The following SLC39A11 variants were observed in gnomAD, a reference collection of about 807,000 sequenced individuals.
SLC39A11 encodes solute carrier family 39 member 11, also known as zinc transporter ZIP11.
Under a neutral mutation model 36.1 loss-of-function variants are expected in SLC39A11, and 33 were observed. The ratio of observed to expected loss-of-function variants is 0.91; its 90% CI spans 0.69 to 1.22. SLC39A11 has a LOEUF of 1.22. Ranked by LOEUF, SLC39A11 falls within the 50% of genes most tolerant of loss-of-function variation. SLC39A11 has a pLI of 0.00. For synonymous variants in SLC39A11, 166 were observed against 170.3 expected (o/e 0.97, Z 0.20); for missense variants, 432 against 430.3 (o/e 1.00, Z -0.03).
rs1177062765 is a variant in SLC39A11 at position 72,746,808 on chromosome 17, A to G, written c.602-10089T>C. ...GCACCTGTAGTCCCAGCTACTAGGG[A>G]GGATGAGATGGGAGGATCACTTGAA... On this transcript the variant is annotated intron_variant, in intron 6 of 9. Transcript: ENST00000255559. Among the ~76,000 whole-genome samples, 3 of 151,936 alleles carry G rather than the reference A, an allele frequency of 2.0e-5. No homozygotes were observed. The East Asian group carries it at 5.8e-4, about 30-fold the overall frequency.
chr17:73,017,568 C>T (rs968031065), intron 4 of SLC39A11, among the ~76,000 whole-genome samples: 2 of 152,076 alleles, frequency 1.3e-5, no homozygotes, highest in Middle Eastern at 3.2e-3. Flanking sequence ...ACAAATTTAG[C>T]TGGGCGTGGT....
chr17:72,919,399 C>T (rs910372049), intron 5 of SLC39A11, among the ~76,000 whole-genome samples: 1 of 152,114 alleles, frequency 6.6e-6, no homozygotes, highest in East Asian at 1.9e-4. Context: ...AGGGAGAGAA[C>T]TTGGACCACA....
chr17:72,836,572 T>C (rs1209045984), intron 6 of SLC39A11, among the ~76,000 whole-genome samples: 1 of 151,970 alleles, frequency 6.6e-6, no homozygotes, highest in Non-Finnish European at 1.5e-5. Flanking sequence ...AACTCCCAGG[T>C]TCAAGCGATT....
chr17:73,009,605 TG>T (rs199981287), intron 4 of SLC39A11, among the ~76,000 whole-genome samples: 1 of 151,796 alleles, frequency 6.6e-6, no homozygotes, highest in Non-Finnish European at 1.5e-5. Context: ...GGGGTTTCCT[TG>T]GGGGGGTGAT....
intron 6 of SLC39A11, chr17:72,838,177 C>G (rs2078651176): frequency 2.5e-6 from 1 of 398,878 alleles, no homozygotes; most frequent in Admixed American, 4.4e-5. Context: ...GGTTGCACAA[C>G]CTTTCAGATA....
At chr17:73,047,185 C>T (rs1361682047) in intron 3 of SLC39A11, among the ~76,000 whole-genome samples, 12 of 151,894 alleles carry the variant, frequency 7.9e-5, no homozygotes, top group Non-Finnish European at 8.8e-5. Context: ...CCACCACGCC[C>T]GGCTAATTTT....
At chr17:72,744,818 G>C (rs2074862271) in intron 6 of SLC39A11, among the ~76,000 whole-genome samples, 1 of 152,146 alleles carries the variant, frequency 6.6e-6, no homozygotes, top group Non-Finnish European at 1.5e-5. Context: ...CCATCGCATT[G>C]GGGGTTAGCA....
chr17:72,804,550 G>A (rs1404708072), intron 6 of SLC39A11, among the ~76,000 whole-genome samples: 1 of 152,238 alleles, frequency 6.6e-6, no homozygotes, highest in Non-Finnish European at 1.5e-5. Context: ...AGAAGACCAT[G>A]TGCTTTCAAG....
At chr17:72,896,700 C>T (rs1265727727) in intron 5 of SLC39A11, among the ~76,000 whole-genome samples, 1 of 151,872 alleles carries the variant, frequency 6.6e-6, no homozygotes, top group Admixed American at 6.6e-5. Context: ...TGAGAAAATG[C>T]TCAATTTTGC....
At chr17:72,942,330 G>A (rs2085162221) in intron 5 of SLC39A11, among the ~76,000 whole-genome samples, 1 of 151,896 alleles carries the variant, frequency 6.6e-6, no homozygotes, top group Admixed American at 6.6e-5. Context: ...AGCAGGTACA[G>A]GGAAAAAAAT....
intron 6 of SLC39A11, among the ~76,000 whole-genome samples, chr17:72,751,614 G>A (rs942427672): frequency 6.6e-5 from 10 of 151,902 alleles, no homozygotes; most frequent in South Asian, 2.1e-4. Context: ...GTCTTGCTCC[G>A]TCGCCCAGGC....
At chr17:72,964,374 C>T (rs965127194) in intron 4 of SLC39A11, among the ~76,000 whole-genome samples, 1 of 152,224 alleles carries the variant, frequency 6.6e-6, no homozygotes, top group Non-Finnish European at 1.5e-5. Context: ...TCCCGGTCCG[C>T]ATCAGCCACC....
intron 6 of SLC39A11, among the ~76,000 whole-genome samples, chr17:72,789,011 T>C (rs1453984911): frequency 6.6e-6 from 1 of 152,216 alleles, no homozygotes; most frequent in African/African-American, 2.4e-5. Flanking sequence ...GGCCTTCATT[T>C]TTCTCCCAGT....
rs1183019475 is a variant in SLC39A11 at position 72,699,305 on chromosome 17, T to C, written c.671+37345A>G. On this transcript the variant is annotated intron_variant, in intron 7 of 9. Transcript: ENST00000255559. ...AAAATTTTGCAAAGAAATCTCATAA[T>C]GTCTTAACAGAGTTTATGAATTTGT... Among the ~76,000 whole-genome samples the C allele has an allele frequency of 2.0e-5, 3 of 152,260 alleles. No individual in the cohort carries two copies. The East Asian group carries it at 5.8e-4, about 29-fold the overall frequency.
chr17:72,878,180 T>C (rs1005573170), intron 5 of SLC39A11, among the ~76,000 whole-genome samples: 2 of 152,040 alleles, frequency 1.3e-5, no homozygotes, highest in Non-Finnish European at 2.9e-5. Context: ...TAGTATTCCA[T>C]GGTGTATATG....
intron 7 of SLC39A11, among the ~76,000 whole-genome samples, chr17:72,672,708 T>A (rs1280547296): frequency 6.6e-6 from 1 of 152,164 alleles, no homozygotes; most frequent in Admixed American, 6.5e-5. Flanking sequence ...CCAGTGATCT[T>A]CTTACTCAGC....
chr17:72,693,426 C>T (rs1451040709), intron 7 of SLC39A11, among the ~76,000 whole-genome samples: 1 of 152,238 alleles, frequency 6.6e-6, no homozygotes, highest in Non-Finnish European at 1.5e-5. Context: ...TTTAAACAGG[C>T]AGCTGCCTTG....
chr17:73,075,538 C>T (rs2060291077), intron 3 of SLC39A11, among the ~76,000 whole-genome samples: 1 of 152,174 alleles, frequency 6.6e-6, no homozygotes, highest in Non-Finnish European at 1.5e-5. Flanking sequence ...GTAAATTCTA[C>T]AGTCAGACTA....
At chr17:72,844,680 C>A (rs1250934734) in intron 6 of SLC39A11, among the ~76,000 whole-genome samples, 1 of 151,858 alleles carries the variant, frequency 6.6e-6, no homozygotes, top group Admixed American at 6.6e-5. Context: ...AAACAAAAAA[C>A]AAAAAAACAA....
Sources: gnomAD v4.1 joint callset for allele counts (sites outside exome capture counted in the v4.1 genomes callset) on GRCh38, gnomAD v4.1.1 for gene constraint, MANE v1.5 for transcripts, NCBI Gene and HGNC (gene_info 2026-07-23, HGNC 2026-07-21) for gene names.